DAZ4: variants seen among roughly 807,000 people sequenced by gnomAD.
The protein encoded by DAZ4 is deleted in azoospermia 4.
intron 20 of DAZ4, among the ~76,000 whole-genome samples, chrY:24,876,149 T>TA (rs2090189240): frequency 5.4e-4 from 9 of 16,655 alleles, no homozygotes; most frequent in African/African-American, 1.2e-3. Flanking sequence ...TCTTTTTTTT[T>TA]AAAAAATTAT....
intron 20 of DAZ4, among the ~76,000 whole-genome samples, chrY:24,876,021 G>A: frequency 5.9e-5 from 1 of 16,812 alleles, no homozygotes; most frequent in Non-Finnish European, 1.0e-4. Context: ...AATTGCAAAT[G>A]TATTGATTTA....
chrY:24,875,757 C>G, intron 20 of DAZ4, among the ~76,000 whole-genome samples: 1 of 10,110 alleles, frequency 9.9e-5, no homozygotes, highest in Non-Finnish European at 1.5e-4. Flanking sequence ...AAAAGCCCTA[C>G]TTGTTTCTCT....
chrY:24,882,292 GT>G (rs2090191867), intron 20 of DAZ4, among the ~76,000 whole-genome samples: 1 of 2,840 alleles, frequency 3.5e-4, no homozygotes, highest in Non-Finnish European at 6.7e-4. Flanking sequence ...TTCATTCTTG[GT>G]TTTTTTCCAC....
chrY:24,876,068 C>G, intron 20 of DAZ4, among the ~76,000 whole-genome samples: 1 of 18,866 alleles, frequency 5.3e-5, no homozygotes, highest in Non-Finnish European at 9.2e-5. Context: ...AACCTTATCA[C>G]CAGTGTAAGA....
chrY:24,892,873 AG>A (rs2090195523), intron 24 of DAZ4, among the ~76,000 whole-genome samples: 1 of 12,868 alleles, frequency 7.8e-5, no homozygotes, highest in Non-Finnish European at 1.3e-4. Context: ...GTACAGACAA[AG>A]CCATAACGCG....
At chrY:24,876,120 C>T (rs552264574) in intron 20 of DAZ4, among the ~76,000 whole-genome samples, 1 of 18,749 alleles carries the variant, frequency 5.3e-5, no homozygotes, top group Non-Finnish European at 9.3e-5. Flanking sequence ...ATAAGGTAAA[C>T]TTTGGTGAAG....
intron 24 of DAZ4, among the ~76,000 whole-genome samples, chrY:24,892,927 CAG>C: frequency 5.8e-5 from 1 of 17,158 alleles, no homozygotes; most frequent in Admixed American, 4.8e-4. Flanking sequence ...TGATAAAAAA[CAG>C]TGTAGAAATA....
intron 24 of DAZ4, among the ~76,000 whole-genome samples, chrY:24,892,849 T>A: frequency 4.8e-4 from 7 of 14,647 alleles, no homozygotes; most frequent in Admixed American, 1.0e-3. Context: ...CTGCACTTAG[T>A]TTTCTGGAAT....
At chrY:24,876,198 T>A (rs1603606654) in intron 20 of DAZ4, among the ~76,000 whole-genome samples, 24 of 8,253 alleles carry the variant, frequency 2.9e-3, no homozygotes, top group Middle Eastern at 0.048. Context: ...TTGTGCAGGT[T>A]AGTTCCATAT....
chrY:24,875,769 G>A (rs1603606642), intron 20 of DAZ4, among the ~76,000 whole-genome samples: 1 of 9,713 alleles, frequency 1.0e-4, no homozygotes, highest in Non-Finnish European at 1.5e-4. Flanking sequence ...TGTTTCTCTC[G>A]TTTACTGTGA....
chrY:24,875,961 C>A, intron 20 of DAZ4, among the ~76,000 whole-genome samples: 1 of 12,111 alleles, frequency 8.3e-5, no homozygotes, highest in Non-Finnish European at 1.3e-4. Context: ...CTACATATTA[C>A]CCTACAATAT....
At chrY:24,893,025 C>T (rs2090195610) in intron 24 of DAZ4, among the ~76,000 whole-genome samples, 1 of 21,980 alleles carries the variant, frequency 4.5e-5, no homozygotes, top group South Asian at 1.1e-3. Context: ...TAAGAAAGAA[C>T]GTCTGGGTGT....
chrY:24,876,084 T>C (rs2090189094), intron 20 of DAZ4, among the ~76,000 whole-genome samples: 3 of 19,240 alleles, frequency 1.6e-4, no homozygotes, highest in Non-Finnish European at 2.7e-4. Context: ...TAAGACATAA[T>C]TTCTGGGTGT....
chrY:24,875,735 C>A (rs1603606637), intron 20 of DAZ4, among the ~76,000 whole-genome samples: 2 of 10,360 alleles, frequency 1.9e-4, no homozygotes, highest in African/African-American at 7.8e-4. Flanking sequence ...TTCTCTGAAC[C>A]ATGGCTAGAA....
chrY:24,861,597 A>G (rs2090185878), intron 14 of DAZ4, among the ~76,000 whole-genome samples: 31 of 6,796 alleles, frequency 4.6e-3, no homozygotes, highest in Non-Finnish European at 5.9e-3. Context: ...CCAGTATTGG[A>G]TTATAGACTG....
At chrY:24,861,688 C>G in intron 14 of DAZ4, among the ~76,000 whole-genome samples, 1 of 4,776 alleles carries the variant, frequency 2.1e-4, no homozygotes, top group Non-Finnish European at 3.0e-4. Context: ...TTGTCTGATA[C>G]AAAACAGTCT....
intron 21 of DAZ4, among the ~76,000 whole-genome samples, chrY:24,884,319 A>G: frequency 1.0e-3 from 9 of 8,951 alleles, no homozygotes; most frequent in Non-Finnish European, 1.6e-3. Flanking sequence ...ATCTATGGTA[A>G]TAAACTGAAA....
chrY:24,875,664 T>C (rs1290707551), intron 20 of DAZ4, among the ~76,000 whole-genome samples: 51 of 10,177 alleles, frequency 5.0e-3, no homozygotes, highest in Non-Finnish European at 4.1e-3. Context: ...TCTGCAGTGT[T>C]TCTAATTTGT....
intron 20 of DAZ4, among the ~76,000 whole-genome samples, chrY:24,876,068 C>T: frequency 5.3e-5 from 1 of 18,866 alleles, no homozygotes. Context: ...AACCTTATCA[C>T]CAGTGTAAGA....
Sources: allele counts gnomAD v4.1 joint callset (sites outside exome capture counted in the v4.1 genomes callset), GRCh38; gene constraint gnomAD v4.1.1; transcripts MANE v1.5; gene names NCBI Gene and HGNC (gene_info 2026-07-23, HGNC 2026-07-21).